CSMD1: variants seen among roughly 807,000 people sequenced by gnomAD.
CSMD1 encodes the protein CUB and sushi domain-containing protein 1.
CSMD1 carries 213 observed loss-of-function variants against 417.5 expected under a neutral mutation model. The observed-to-expected ratio is 0.51, with a 90% CI of 0.46 to 0.57. The LOEUF (loss-of-function observed/expected upper bound fraction) is 0.57, where lower values mean the gene tolerates loss of function less well. Among genes scored for constraint, CSMD1 ranks in the 20% least tolerant of loss-of-function variants. The probability of loss-of-function intolerance (pLI) is 0.00; values close to 1 mark genes in which losing one functional copy is unlikely to be tolerated. For synonymous variants in CSMD1, 2,862 were observed against 1,736.8 expected, an observed-to-expected ratio of 1.65 and a Z score of -16.11; for missense variants, 6,923 against 4,529.7, an observed-to-expected ratio of 1.53 and a Z score of -15.17.
intron 3 of CSMD1, among the ~76,000 whole-genome samples, chr8:4,334,895 G>C (rs1800081514): frequency 1.3e-5 from 2 of 152,034 alleles, no homozygotes. Flanking sequence ...GATAGATCAG[G>C]TGTCAGTGAG....
chr8:4,597,485 T>G (rs13279240), intron 2 of CSMD1, among the ~76,000 whole-genome samples: 1 of 151,916 alleles, frequency 6.6e-6, no homozygotes, highest in Non-Finnish European at 1.5e-5. Flanking sequence ...TTTTATTACT[T>G]GTATTTTTAA....
chr8:3,650,332 T>A (rs762969961), intron 7 of CSMD1, among the ~76,000 whole-genome samples: 1 of 152,132 alleles, frequency 6.6e-6, no homozygotes, highest in Non-Finnish European at 1.5e-5. Context: ...AGTTTCAAGT[T>A]GAGTTAGGAA....
At chr8:4,518,745 C>A (rs1246328838) in intron 2 of CSMD1, among the ~76,000 whole-genome samples, 3 of 150,564 alleles carry the variant, frequency 2.0e-5, no homozygotes, top group South Asian at 4.2e-4. Flanking sequence ...TGCGCATGTA[C>A]CCTAAAACTT....
At chr8:4,851,426 G>A (rs569627744) in intron 1 of CSMD1, among the ~76,000 whole-genome samples, 11 of 151,088 alleles carry the variant, frequency 7.3e-5, no homozygotes, top group East Asian at 5.8e-4. Flanking sequence ...CATCTTCTTC[G>A]TCAATTTCTT....
Position 3,029,656 on chromosome 8 carries a change from C to G in CSMD1, c.7661-143G>C, listed in dbSNP as rs995561880. Reference sequence around the variant, plus strand: ...GCCATTACGTATTATCTCAGTGTTTCTCTACCACCCACATAGACATATGGG... The same window carrying G: ...GCCATTACGTATTATCTCAGTGTTTGTCTACCACCCACATAGACATATGGG... On this transcript the variant is annotated intron_variant, in intron 50 of 69. Transcript: ENST00000635120. 18 of 638,212 alleles carry G rather than the reference C, an allele frequency of 2.8e-5. No homozygotes were observed. The African/African-American group carries it at 3.3e-4, about 12-fold the overall frequency. The allele number at this position is 638,212 out of a possible 1,614,324, so 39.5% of individuals were successfully genotyped here.
chr8:4,471,438 G>A (rs529450102), intron 2 of CSMD1, among the ~76,000 whole-genome samples: 4 of 152,168 alleles, frequency 2.6e-5, no homozygotes, highest in South Asian at 2.1e-4. Context: ...GCACGTAGCT[G>A]TCAGCAAGCC....
chr8:3,911,889 A>G (rs960156814), intron 5 of CSMD1, among the ~76,000 whole-genome samples: 1 of 152,164 alleles, frequency 6.6e-6, no homozygotes, highest in Non-Finnish European at 1.5e-5. Flanking sequence ...TACCTCCGTT[A>G]TCTTTTCTCA....
Position 3,187,860 on chromosome 8 carries a change from C to G in CSMD1, c.5620+9G>C, listed in dbSNP as rs1322439390. On this transcript the variant is annotated intron_variant, in intron 36 of 69. Transcript: ENST00000635120. ...AGTCACACAGGTGAGGAAATTGACT[C>G]CATCTTACCTGAGAAGCTTCCCAGT... 2 of 1,608,050 alleles carry G rather than the reference C, an allele frequency of 1.2e-6. No homozygotes were observed. The highest frequency in any genetic ancestry group is 1.7e-6 in the Non-Finnish European group (2 of 1,175,590).
At chr8:3,596,816 G>A (rs189527632) in intron 8 of CSMD1, among the ~76,000 whole-genome samples, 55 of 152,118 alleles carry the variant, frequency 3.6e-4, no homozygotes, top group Non-Finnish European at 6.6e-4. Context: ...ATGCATACCA[G>A]TAATCACATG....
At chr8:4,440,706 T>G (rs1309248982) in intron 2 of CSMD1, among the ~76,000 whole-genome samples, 1 of 152,164 alleles carries the variant, frequency 6.6e-6, no homozygotes. Context: ...TACAAATTAA[T>G]TAATTCTGGC....
Position 4,146,747 on chromosome 8 carries a change from G to A in CSMD1, c.416-114648C>T, listed in dbSNP as rs113197973. On this transcript the variant is annotated intron_variant, in intron 3 of 69. Coordinates refer to ENST00000635120, the MANE Select transcript of CSMD1 (RefSeq NM_033225.6). ...CTGCCTCAGCCTCCAGAGGAGCTGG[G>A]ACTACAGGCGCCCGGCACCAGACTC... Among the ~76,000 whole-genome samples the A allele has an allele frequency of 5.9e-3, 887 of 149,324 alleles. 73 individuals are homozygous for A. The highest frequency in any genetic ancestry group is 0.022 in the African/African-American group (854 of 39,204).
chr8:4,402,302 C>A (rs1352163350), intron 3 of CSMD1, among the ~76,000 whole-genome samples: 1 of 151,844 alleles, frequency 6.6e-6, no homozygotes, highest in Admixed American at 6.6e-5. Flanking sequence ...CCCCTTCTCT[C>A]CTCTTTCCCT....
In CSMD1 at chr8:2,938,614, T is replaced by A; in HGVS notation, c.10666A>T (p.Thr3556Ser). 1.2e-6 allele frequency: 2 copies of A among 1,612,252 alleles called. No individual in the cohort carries two copies. Among genetic ancestry groups the A allele is most frequent in the Non-Finnish European group, 1.7e-6 (2 of 1,179,258 alleles). Residue 3556 changes from threonine (T) to serine (S), a missense_variant, in exon 70 of 70, where the codon ACT becomes TCT. Coordinates refer to ENST00000635120, the MANE Select transcript of CSMD1 (RefSeq NM_033225.6). ...TEAKAVRFDT[T>S]LNTVCTVV is the part of the protein sequence containing the mutation. ...ACCACTGTACAGACTGTGTTCAGAG[T>A]TGTGTCAAACCTCACAGCCTTGGCT... is the stretch of plus-strand genomic sequence containing the variant.
At chr8:3,630,230 G>A (rs1796711204) in intron 7 of CSMD1, among the ~76,000 whole-genome samples, 1 of 152,162 alleles carries the variant, frequency 6.6e-6, no homozygotes, top group African/African-American at 2.4e-5. Context: ...AGATGGGGGA[G>A]CATCAGATTT....
At chr8:3,179,475 G>T (rs751328554) in intron 37 of CSMD1, among the ~76,000 whole-genome samples, 2 of 152,142 alleles carry the variant, frequency 1.3e-5, no homozygotes, top group Non-Finnish European at 2.9e-5. Context: ...AAATATGTTA[G>T]TCTCTCTTTT....
rs545212684 is a variant in CSMD1, at chr8:3,520,039, T to TATATATATACACACACAC, written c.1345-26314_1345-26313insGTGTGTGTGTATATATAT. 4.1e-4 allele frequency among the ~76,000 whole-genome samples: 61 copies of TATATATATACACACACAC among 147,184 alleles called. 1 individual carries two copies. The highest frequency in any genetic ancestry group is 1.4e-3 in the African/African-American group (53 of 38,742). On this transcript the variant is annotated intron_variant, in intron 10 of 69. Coordinates refer to ENST00000635120, the MANE Select transcript of CSMD1 (RefSeq NM_033225.6). The stretch of plus-strand genomic sequence containing the variant: ...ATATACCTATATATATATATATATA[T>TATATATATACACACACAC]ACACGTATAGTTGTGAAACTTGCTC...
chr8:3,783,942 G>A (rs188883524), intron 5 of CSMD1, among the ~76,000 whole-genome samples: 1 of 152,318 alleles, frequency 6.6e-6, no homozygotes, highest in East Asian at 1.9e-4. Flanking sequence ...CCAGCTCTGC[G>A]ATTTACCTAT....
intron 10 of CSMD1, among the ~76,000 whole-genome samples, chr8:3,524,142 C>G (rs1401009368): frequency 6.6e-6 from 1 of 151,644 alleles, no homozygotes; most frequent in Non-Finnish European, 1.5e-5. Flanking sequence ...CACACACACG[C>G]ACATATGCAT....
At chr8:4,594,724 T>C (rs1368468094) in intron 2 of CSMD1, among the ~76,000 whole-genome samples, 1 of 152,160 alleles carries the variant, frequency 6.6e-6, no homozygotes, top group Non-Finnish European at 1.5e-5. Context: ...ACATTTGAAA[T>C]TGTTACCTGC....
Sources: allele counts gnomAD v4.1 joint callset (sites outside exome capture counted in the v4.1 genomes callset), GRCh38; gene constraint gnomAD v4.1.1; transcripts MANE v1.5; gene names NCBI Gene and HGNC (gene_info 2026-07-23, HGNC 2026-07-21).